The following TENM3 variants were observed in gnomAD, a reference collection of about 807,000 sequenced individuals.
TENM3 encodes the protein teneurin-3.
TENM3 carries 63 observed loss-of-function variants against 255.1 expected under a neutral mutation model. The observed-to-expected ratio is 0.25, with a 90% CI of 0.20 to 0.30. The LOEUF (loss-of-function observed/expected upper bound fraction) is 0.30, where lower values mean the gene tolerates loss of function less well. Ranked by LOEUF, TENM3 falls within the 10% of genes least tolerant of loss-of-function variation. The pLI is 1.00. For missense variants in TENM3, 2,929 were observed against 3,461.1 expected, an observed-to-expected ratio of 0.85 and a Z score of 3.86; for synonymous variants, 1,306 against 1,322.3, an observed-to-expected ratio of 0.99 and a Z score of 0.27.
chr4:182,772,965 G>T (rs1380924295), intron 22 of TENM3, among the ~76,000 whole-genome samples: 2 of 152,062 alleles, frequency 1.3e-5, no homozygotes, highest in Non-Finnish European at 2.9e-5. Context: ...TCTTTAAAAG[G>T]TTCTTATTTT....
At chr4:182,534,512 G>A (rs1740094980) in intron 3 of TENM3, among the ~76,000 whole-genome samples, 1 of 152,154 alleles carries the variant, frequency 6.6e-6, no homozygotes, top group South Asian at 2.1e-4. Flanking sequence ...AACCTAATTA[G>A]AAAAAGGAGA....
At chr4:182,648,385 G>A (rs1752940809) in intron 5 of TENM3, among the ~76,000 whole-genome samples, 1 of 151,192 alleles carries the variant, frequency 6.6e-6, no homozygotes. Flanking sequence ...CCAGGTTCAA[G>A]CGATTCTCCT....
chr4:182,283,548 T>A (rs1760534065), intron 1 of TENM3, among the ~76,000 whole-genome samples: 1 of 152,160 alleles, frequency 6.6e-6, no homozygotes, highest in Non-Finnish European at 1.5e-5. Context: ...TATATGTAAA[T>A]GTATCTGGTT....
chr4:182,103,154 C>T, the TENM3 span, among the ~76,000 whole-genome samples: 1 of 152,318 alleles, frequency 6.6e-6, no homozygotes, highest in South Asian at 2.1e-4. Context: ...CCTATAAATA[C>T]TTATATTAAT....
chr4:182,395,265 G>A (rs1362751647), intron 3 of TENM3, among the ~76,000 whole-genome samples: 1 of 152,106 alleles, frequency 6.6e-6, no homozygotes, highest in Non-Finnish European at 1.5e-5. Context: ...GCTTTTTCAG[G>A]AAATTAACCC....
At chr4:181,556,611 G>GA in the TENM3 span, among the ~76,000 whole-genome samples, 1 of 152,054 alleles carries the variant, frequency 6.6e-6, no homozygotes, top group Non-Finnish European at 1.5e-5. Context: ...TAAAAGGCAT[G>GA]ATTTAGTATA....
intron 1 of TENM3, among the ~76,000 whole-genome samples, chr4:182,211,014 C>G (rs1000191481): frequency 1.3e-5 from 2 of 152,106 alleles, no homozygotes; most frequent in African/African-American, 2.4e-5. Flanking sequence ...CTGGACAAAC[C>G]GAGGCCAACA....
At chr4:181,760,473 T>C in the TENM3 span, among the ~76,000 whole-genome samples, 1 of 152,178 alleles carries the variant, frequency 6.6e-6, no homozygotes, top group Admixed American at 6.6e-5. Flanking sequence ...AATTTCCCAC[T>C]GTTAACACAG....
the TENM3 span, among the ~76,000 whole-genome samples, chr4:182,092,883 A>G: frequency 6.6e-6 from 1 of 152,190 alleles, no homozygotes; most frequent in Non-Finnish European, 1.5e-5. Context: ...CACTGTGAGG[A>G]TTGGCTGAGG....
chr4:182,279,015 C>T (rs915624462), intron 1 of TENM3, among the ~76,000 whole-genome samples: 1 of 152,204 alleles, frequency 6.6e-6, no homozygotes, highest in African/African-American at 2.4e-5. Flanking sequence ...CAGGTCGGGG[C>T]AGGGGCCGCT....
intron 22 of TENM3, among the ~76,000 whole-genome samples, chr4:182,769,583 A>C (rs1477419664): frequency 6.6e-6 from 1 of 151,220 alleles, no homozygotes; most frequent in Non-Finnish European, 1.5e-5. Context: ...GGAGTTTGAG[A>C]CCAGTCTGGC....
At chr4:181,873,980 T>C in the TENM3 span, among the ~76,000 whole-genome samples, 1 of 152,166 alleles carries the variant, frequency 6.6e-6, no homozygotes, top group Non-Finnish European at 1.5e-5. Flanking sequence ...AGACAGGGTT[T>C]CACCATGTTG....
chr4:182,427,989 C>T (rs1389884047), intron 3 of TENM3, among the ~76,000 whole-genome samples: 1 of 151,094 alleles, frequency 6.6e-6, no homozygotes, highest in Non-Finnish European at 1.5e-5. Context: ...TCTGTTCCCA[C>T]AAAAGGAAAA....
At chr4:182,506,852 C>T (rs761984209) in intron 3 of TENM3, among the ~76,000 whole-genome samples, 4 of 152,122 alleles carry the variant, frequency 2.6e-5, no homozygotes, top group African/African-American at 4.8e-5. Context: ...AGTACTTAAA[C>T]GGTCAATTCG....
intron 3 of TENM3, among the ~76,000 whole-genome samples, chr4:182,598,560 A>G (rs893243626): frequency 5.3e-5 from 8 of 152,258 alleles, no homozygotes; most frequent in African/African-American, 1.2e-4. Context: ...TAAATTCAAC[A>G]TATTGAAACA....
the TENM3 span, among the ~76,000 whole-genome samples, chr4:181,737,927 C>T: frequency 6.0e-5 from 9 of 150,582 alleles, no homozygotes; most frequent in Non-Finnish European, 8.8e-5. Context: ...ATTGCCAACT[C>T]GTATCTGGGG....
the TENM3 span, among the ~76,000 whole-genome samples, chr4:181,544,408 TA>T: frequency 0.2 from 13,803 of 68,300 alleles, 1,400 homozygotes; most frequent in Middle Eastern, 0.38. Flanking sequence ...CCTTCAGGAT[TA>T]AAAAAAAAAA....
At chr4:182,623,523 G>A (rs4431266) in intron 4 of TENM3, among the ~76,000 whole-genome samples, 38,417 of 151,736 alleles carry the variant, frequency 0.25, 5,636 homozygotes, top group Non-Finnish European at 0.34. Flanking sequence ...ACTGGAGACA[G>A]GGTTTCAGTG....
chr4:181,650,274 C>G, the TENM3 span, among the ~76,000 whole-genome samples: 3 of 152,188 alleles, frequency 2.0e-5, no homozygotes, highest in Admixed American at 2.0e-4. Context: ...ACTAGAATTT[C>G]TTAGACTTCT....
Sources: gnomAD v4.1 joint callset for allele counts (sites outside exome capture counted in the v4.1 genomes callset) on GRCh38, gnomAD v4.1.1 for gene constraint, MANE v1.5 for transcripts, NCBI Gene and HGNC (gene_info 2026-07-23, HGNC 2026-07-21) for gene names.